The following STIM1 variants were observed in gnomAD, a reference collection of about 807,000 sequenced individuals.
STIM1 encodes the protein stromal interaction molecule 1.
In STIM1, 25 loss-of-function variants were observed where a neutral mutation model predicts 74.7. That is an observed-to-expected ratio of 0.33 (90% CI 0.24 to 0.47). The LOEUF is 0.47. Ranked by LOEUF, STIM1 falls within the 20% of genes least tolerant of loss-of-function variation. The probability of loss-of-function intolerance (pLI) is 1.00; values close to 1 mark genes in which losing one functional copy is unlikely to be tolerated. For missense variants in STIM1, 728 were observed against 920.8 expected (o/e 0.79, Z 2.71); for synonymous variants, 328 against 348.8 (o/e 0.94, Z 0.66).
intron 1 of STIM1, among the ~76,000 whole-genome samples, chr11:3,926,264 C>T (rs2092787135): frequency 6.6e-6 from 1 of 152,286 alleles, no homozygotes; most frequent in South Asian, 2.1e-4. Flanking sequence ...TCCTTGCACA[C>T]TGGGGAGCTC....
chr11:3,953,508 A>G (rs1490778125), intron 1 of STIM1, among the ~76,000 whole-genome samples: 1 of 152,212 alleles, frequency 6.6e-6, no homozygotes, highest in Non-Finnish European at 1.5e-5. Flanking sequence ...TCACCCAACT[A>G]TAGCCTTGCC....
chr11:4,049,715 A>AACACACACACACACACACACACACACAC (rs748609546), intron 3 of STIM1: 1 of 101,416 alleles, frequency 9.9e-6, no homozygotes, highest in Non-Finnish European at 2.1e-5. Flanking sequence ...CCCCTGCCCA[A>AACACACACACACACACACACACACACAC]ACACACACAC....
At chr11:4,035,273 T>TTA (rs2094089133) in intron 3 of STIM1, among the ~76,000 whole-genome samples, 1 of 151,824 alleles carries the variant, frequency 6.6e-6, no homozygotes. Flanking sequence ...TGTGTTTTTT[T>TTA]TTTTTTTTCC....
intron 1 of STIM1, among the ~76,000 whole-genome samples, chr11:3,927,504 T>A (rs2092803185): frequency 6.6e-6 from 1 of 152,272 alleles, no homozygotes; most frequent in African/African-American, 2.4e-5. Flanking sequence ...TTACCTAAAA[T>A]GCCAGCTACT....
intron 1 of STIM1, among the ~76,000 whole-genome samples, chr11:3,858,336 A>G (rs1311101564): frequency 6.6e-6 from 1 of 151,862 alleles, no homozygotes; most frequent in Non-Finnish European, 1.5e-5. Flanking sequence ...TTCTTCACAC[A>G]ACATATATTT....
intron 6 of STIM1, among the ~76,000 whole-genome samples, chr11:4,073,464 C>T (rs1189886877): frequency 6.6e-6 from 1 of 152,294 alleles, no homozygotes; most frequent in African/African-American, 2.4e-5. Context: ...ACACTGAATA[C>T]AGTTATCTGT....
intron 1 of STIM1, among the ~76,000 whole-genome samples, chr11:3,941,630 T>TATATAG (rs71047190): frequency 7.0e-6 from 1 of 142,994 alleles, no homozygotes; most frequent in South Asian, 2.2e-4. Flanking sequence ...TATATATATA[T>TATATAG]AGAGAGATAG....
At chr11:3,924,044 G>A (rs1001527528) in intron 1 of STIM1, among the ~76,000 whole-genome samples, 4 of 151,634 alleles carry the variant, frequency 2.6e-5, no homozygotes, top group Admixed American at 6.6e-5. Flanking sequence ...GTCTCACTAT[G>A]TTGCCCAGGC....
At chr11:3,945,460 A>G (rs989173307) in intron 1 of STIM1, among the ~76,000 whole-genome samples, 13 of 152,106 alleles carry the variant, frequency 8.5e-5, no homozygotes, top group African/African-American at 3.1e-4. Flanking sequence ...TTAGCTGGAC[A>G]TGGTGGTGCA....
chr11:3,954,875 A>C (rs1281303781), intron 1 of STIM1, among the ~76,000 whole-genome samples: 1 of 152,244 alleles, frequency 6.6e-6, no homozygotes, highest in Non-Finnish European at 1.5e-5. Context: ...TTTATTTTGT[A>C]AATGCATCAG....
At chr11:4,008,989 C>A (rs1033417370) in intron 2 of STIM1, among the ~76,000 whole-genome samples, 1 of 152,114 alleles carries the variant, frequency 6.6e-6, no homozygotes, top group African/African-American at 2.4e-5. Flanking sequence ...ATAAAAACAT[C>A]TTCATAAAAA....
intron 1 of STIM1, among the ~76,000 whole-genome samples, chr11:3,858,242 T>G (rs66816129): frequency 0.44 from 57,714 of 132,462 alleles, 11,116 homozygotes; most frequent in Non-Finnish European, 0.49. Flanking sequence ...GGTTTTTTTT[T>G]TTTTGTTTTT....
chr11:3,880,510 T>C (rs1272619804), intron 1 of STIM1, among the ~76,000 whole-genome samples: 1 of 152,198 alleles, frequency 6.6e-6, no homozygotes, highest in African/African-American at 2.4e-5. Flanking sequence ...AAATCTTTCA[T>C]GTTTTTCTGA....
At chr11:3,871,636 C>G (rs2091100250) in intron 1 of STIM1, among the ~76,000 whole-genome samples, 1 of 152,174 alleles carries the variant, frequency 6.6e-6, no homozygotes, top group Middle Eastern at 3.2e-3. Context: ...CCTTTTCTTT[C>G]CATTGTTTTC....
At chr11:4,027,557 G>A (rs913085509) in intron 3 of STIM1, among the ~76,000 whole-genome samples, 11 of 152,106 alleles carry the variant, frequency 7.2e-5, no homozygotes, top group Non-Finnish European at 1.3e-4. Context: ...CTCATTATCT[G>A]CCCACCTCGG....
intron 2 of STIM1, among the ~76,000 whole-genome samples, chr11:3,998,534 C>T (rs977578670): frequency 1.3e-5 from 2 of 152,176 alleles, no homozygotes; most frequent in African/African-American, 2.4e-5. Context: ...TGCTCTGTGC[C>T]GGGCCCTCGG....
intron 3 of STIM1, among the ~76,000 whole-genome samples, chr11:4,032,012 A>C (rs951242809): frequency 2.0e-5 from 3 of 152,194 alleles, no homozygotes; most frequent in African/African-American, 7.2e-5. Flanking sequence ...TATGTTTTAC[A>C]TTTAGGTCTA....
chr11:3,961,223 C>G, intron 1 of STIM1: 1 of 190,262 alleles, frequency 5.3e-6, no homozygotes, highest in Non-Finnish European at 1.1e-5. Flanking sequence ...CTCCTGGGCT[C>G]AAGCAATGCC....
chr11:3,993,133 G>A (rs1479582233), intron 2 of STIM1, among the ~76,000 whole-genome samples: 1 of 150,834 alleles, frequency 6.6e-6, no homozygotes, highest in South Asian at 2.1e-4. Context: ...TGTTTGGTGT[G>A]AAAGCCACAG....
Sources: allele counts gnomAD v4.1 joint callset (sites outside exome capture counted in the v4.1 genomes callset), GRCh38; gene constraint gnomAD v4.1.1; transcripts MANE v1.5; gene names NCBI Gene and HGNC (gene_info 2026-07-23, HGNC 2026-07-21).